The following ATG7 variants were observed in gnomAD, a reference collection of about 807,000 sequenced individuals.
The protein encoded by ATG7 is ubiquitin-like modifier-activating enzyme ATG7.
ATG7 carries 70 observed loss-of-function variants against 82.4 expected under a neutral mutation model. That is an observed-to-expected ratio of 0.85 (90% CI 0.70 to 1.04). ATG7 has a LOEUF of 1.04. Among genes scored for constraint, ATG7 ranks in the 50% least tolerant of loss-of-function variants. The pLI is 0.00. For synonymous variants in ATG7, 287 were observed against 313.0 expected (o/e 0.92, Z 0.88); for missense variants, 792 against 864.3 (o/e 0.92, Z 1.05).
At chr3:11,537,617 C>A (rs1475574899) in intron 20 of ATG7, among the ~76,000 whole-genome samples, 1 of 152,208 alleles carries the variant, frequency 6.6e-6, no homozygotes, top group East Asian at 1.9e-4. Context: ...ACAAACTACA[C>A]ATGCAACACG....
intron 15 of ATG7, among the ~76,000 whole-genome samples, chr3:11,359,998 C>G (rs2076185303): frequency 6.6e-6 from 1 of 152,164 alleles, no homozygotes; most frequent in Non-Finnish European, 1.5e-5. Flanking sequence ...CTCTGACTTT[C>G]AGTATCCTCA....
At chr3:11,530,338 C>T (rs1313987514) in intron 20 of ATG7, among the ~76,000 whole-genome samples, 1 of 152,128 alleles carries the variant, frequency 6.6e-6, no homozygotes, top group Non-Finnish European at 1.5e-5. Context: ...GGCTGCCTGG[C>T]CGTACTCCGA....
chr3:11,526,233 A>G (rs2092575669), intron 20 of ATG7, among the ~76,000 whole-genome samples: 1 of 152,110 alleles, frequency 6.6e-6, no homozygotes. Flanking sequence ...TCTACAAAAA[A>G]TACAAAAATT....
intron 20 of ATG7, among the ~76,000 whole-genome samples, chr3:11,504,297 C>G (rs2091556500): frequency 6.6e-6 from 1 of 152,204 alleles, no homozygotes; most frequent in South Asian, 2.1e-4. Context: ...CTGTATCAAG[C>G]CAAACCGCTC....
intron 20 of ATG7, among the ~76,000 whole-genome samples, chr3:11,508,619 T>C (rs2091877925): frequency 6.6e-6 from 1 of 152,138 alleles, no homozygotes; most frequent in African/African-American, 2.4e-5. Context: ...AATATTATTA[T>C]TATTTTCTTG....
chr3:11,492,366 C>T (rs374381643), intron 20 of ATG7, among the ~76,000 whole-genome samples: 1 of 152,206 alleles, frequency 6.6e-6, no homozygotes, highest in African/African-American at 2.4e-5. Context: ...CACTGTCTGG[C>T]ACTCCCTAGT....
intron 20 of ATG7, among the ~76,000 whole-genome samples, chr3:11,534,945 G>C (rs553305996): frequency 6.6e-6 from 1 of 152,358 alleles, no homozygotes; most frequent in Non-Finnish European, 1.5e-5. Context: ...TGACTTCCTG[G>C]CAGAAGCCTC....
chr3:11,351,484 C>T (rs1203609825), intron 14 of ATG7, among the ~76,000 whole-genome samples: 1 of 152,124 alleles, frequency 6.6e-6, no homozygotes, highest in Non-Finnish European at 1.5e-5. Flanking sequence ...AGGGTGGCTG[C>T]AACATAGAGG....
chr3:11,318,820 C>G (rs1013202442), intron 9 of ATG7, among the ~76,000 whole-genome samples: 6 of 152,190 alleles, frequency 3.9e-5, no homozygotes, highest in Admixed American at 3.9e-4. Context: ...CTCTCTGTCT[C>G]CCTTCTGTCA....
At chr3:11,469,562 A>C (rs2087214385) in intron 20 of ATG7, among the ~76,000 whole-genome samples, 1 of 152,156 alleles carries the variant, frequency 6.6e-6, no homozygotes, top group Admixed American at 6.5e-5. Context: ...AGGAGTGATG[A>C]TACACTTGGC....
chr3:11,565,803 C>T, the ATG7 span, among the ~76,000 whole-genome samples: 2 of 152,304 alleles, frequency 1.3e-5, no homozygotes, highest in East Asian at 1.9e-4. The surrounding 1 kb of genome is among the most constrained non-coding windows in gnomAD (Gnocchi z 4.1). Flanking sequence ...CTGAAGGCAG[C>T]GTTACGTGTT....
At chr3:11,539,693 C>T (rs2070665715) in intron 20 of ATG7, among the ~76,000 whole-genome samples, 1 of 152,330 alleles carries the variant, frequency 6.6e-6, no homozygotes, top group South Asian at 2.1e-4. Flanking sequence ...CCGTCTTAAG[C>T]TATATTCGTT....
chr3:11,394,045 G>A (rs1482638808), intron 19 of ATG7, among the ~76,000 whole-genome samples: 2 of 152,150 alleles, frequency 1.3e-5, no homozygotes, highest in African/African-American at 4.8e-5. Flanking sequence ...TTGTGGAGAT[G>A]TTGTATCCCC....
intron 20 of ATG7, among the ~76,000 whole-genome samples, chr3:11,430,111 G>A (rs2082736017): frequency 1.3e-5 from 2 of 151,984 alleles, no homozygotes; most frequent in African/African-American, 4.8e-5. Flanking sequence ...TTTAGTAGGT[G>A]ACCCTTAATA....
At chr3:11,466,703 C>T (rs1221605385) in intron 20 of ATG7, among the ~76,000 whole-genome samples, 1 of 152,198 alleles carries the variant, frequency 6.6e-6, no homozygotes, top group Non-Finnish European at 1.5e-5. Flanking sequence ...AGGATTATAG[C>T]ACCTTTATGT....
intron 5 of ATG7, among the ~76,000 whole-genome samples, chr3:11,306,525 T>G (rs1947767723): frequency 1.3e-5 from 2 of 152,128 alleles, no homozygotes; most frequent in Admixed American, 6.5e-5. Flanking sequence ...CTAGTTCTGG[T>G]TTTAGATTCA....
intron 20 of ATG7, among the ~76,000 whole-genome samples, chr3:11,494,305 A>G (rs998924840): frequency 1.3e-5 from 2 of 152,182 alleles, no homozygotes; most frequent in African/African-American, 4.8e-5. Flanking sequence ...TCACTTAGGC[A>G]ATCATGATGG....
At chr3:11,558,527 T>G (rs774960701), downstream of ATG7, 9 of 1,412,384 alleles carry the variant, frequency 6.4e-6, no homozygotes, top group Non-Finnish European at 8.5e-6. Context: ...ACCATGCAGA[T>G]CCACGTGTTG....
the ATG7 span, chr3:11,564,899 G>A: frequency 1.9e-6 from 3 of 1,607,148 alleles, no homozygotes; most frequent in Admixed American, 1.7e-5. Context: ...GGCCAAGGCT[G>A]GGGAGGGAGG....
Sources: allele counts gnomAD v4.1 joint callset (sites outside exome capture counted in the v4.1 genomes callset), GRCh38; gene constraint gnomAD v4.1.1; non-coding constraint Gnocchi (gnomAD v3.1); transcripts MANE v1.5; gene names NCBI Gene and HGNC (gene_info 2026-07-23, HGNC 2026-07-21).